WDR27: variants seen among roughly 807,000 people sequenced by gnomAD.
WDR27 encodes the protein WD repeat-containing protein 27.
A neutral mutation model predicts 114.4 loss-of-function variants in WDR27; 100 were observed. That is an observed-to-expected ratio of 0.87 (90% CI 0.74 to 1.03). The LOEUF is 1.03. WDR27 is among the 50% of genes least tolerant of loss of function. WDR27 has a pLI of 0.00. For synonymous variants in WDR27, 449 were observed against 423.1 expected (o/e 1.06, Z -0.75); for missense variants, 1,129 against 1,092.9 (o/e 1.03, Z -0.47).
chr6:169,660,790 G>T (rs1381547133), intron 9 of WDR27, 24 bp from the exon 10 acceptor site: 6 of 1,597,672 alleles, frequency 3.8e-6, no homozygotes, highest in Non-Finnish European at 4.3e-6. Context: ...AAAAAGAAAA[G>T]AATACACAAT....
chr6:169,613,504 G>C, intron 22 of WDR27, 55 bp downstream of exon 22: 1 of 1,371,544 alleles, frequency 7.3e-7, no homozygotes, highest in South Asian at 1.2e-5. Flanking sequence ...ATCAGATTGA[G>C]CTTATATCTC....
intron 2 of WDR27, among the ~76,000 whole-genome samples, chr6:169,679,402 A>G (rs1343790158): frequency 1.3e-5 from 2 of 152,234 alleles, no homozygotes; most frequent in Non-Finnish European, 2.9e-5. Flanking sequence ...TGTGAGAAGG[A>G]CATAAAATGT....
intron 1 of WDR27, among the ~76,000 whole-genome samples, chr6:169,691,890 G>GGACT (rs1012059431): frequency 6.6e-6 from 1 of 152,136 alleles, no homozygotes; most frequent in African/African-American, 2.4e-5. Flanking sequence ...CCACTAGGAT[G>GGACT]GACTGAAAGG....
chr6:169,448,392 A>ATGTG, the WDR27 span, among the ~76,000 whole-genome samples: 57,800 of 131,656 alleles, frequency 0.44, 13,362 homozygotes, highest in Non-Finnish European at 0.56. Flanking sequence ...CTCTGTCTCT[A>ATGTG]TGTGTGTGTG....
chr6:169,566,548 A>C (rs9396970), intron 25 of WDR27, among the ~76,000 whole-genome samples: 17,987 of 152,250 alleles, frequency 0.12, 2,277 homozygotes, highest in East Asian at 0.66. Flanking sequence ...ATGACCATTA[A>C]TTGGTTCTCA....
At chr6:169,446,715 C>T in the WDR27 span, among the ~76,000 whole-genome samples, 1 of 152,224 alleles carries the variant, frequency 6.6e-6, no homozygotes, top group Non-Finnish European at 1.5e-5. Context: ...ACAAACATAA[C>T]TCTTTTACAC....
At chr6:169,486,358 A>G (rs1230114756) in intron 25 of WDR27, among the ~76,000 whole-genome samples, 8 of 152,176 alleles carry the variant, frequency 5.3e-5, no homozygotes, top group African/African-American at 1.9e-4. Flanking sequence ...GTGTACTATC[A>G]TGTGGGTCCC....
chr6:169,491,884 G>A (rs1352357657), intron 25 of WDR27, among the ~76,000 whole-genome samples: 1 of 152,010 alleles, frequency 6.6e-6, no homozygotes, highest in Non-Finnish European at 1.5e-5. Context: ...TTGGAAAGAA[G>A]CAACTGCAAA....
At chr6:169,468,967 T>A (rs1453406263) in intron 25 of WDR27, among the ~76,000 whole-genome samples, 1 of 152,152 alleles carries the variant, frequency 6.6e-6, no homozygotes, top group Admixed American at 6.5e-5. Flanking sequence ...CTTCTTCTTT[T>A]ATAATGTCTC....
intron 25 of WDR27, among the ~76,000 whole-genome samples, chr6:169,488,173 G>C (rs1044856423): frequency 1.3e-5 from 2 of 152,230 alleles, no homozygotes; most frequent in Non-Finnish European, 2.9e-5. Context: ...GCATTTACTT[G>C]ATGGGCCTGG....
chr6:169,521,796 A>G (rs1444108773), intron 25 of WDR27, among the ~76,000 whole-genome samples: 3 of 152,074 alleles, frequency 2.0e-5, no homozygotes, highest in Non-Finnish European at 4.4e-5. Flanking sequence ...AAAAACCTAT[A>G]AAAGAGTGAC....
chr6:169,608,845 G>A (rs1809848244), intron 22 of WDR27, among the ~76,000 whole-genome samples: 1 of 152,170 alleles, frequency 6.6e-6, no homozygotes, highest in Non-Finnish European at 1.5e-5. Flanking sequence ...GACAAGCCAA[G>A]TCCCTTCTGC....
At chr6:169,614,246 T>C (rs1457208125) in intron 21 of WDR27, among the ~76,000 whole-genome samples, 1 of 152,178 alleles carries the variant, frequency 6.6e-6, no homozygotes, top group East Asian at 1.9e-4. Context: ...TAAACATTTG[T>C]GATAAATAAT....
At chr6:169,483,609 C>T (rs1369164271) in intron 25 of WDR27, among the ~76,000 whole-genome samples, 1 of 152,094 alleles carries the variant, frequency 6.6e-6, no homozygotes, top group Non-Finnish European at 1.5e-5. Flanking sequence ...CCTACTAAAA[C>T]TATTCAAAAA....
At chr6:169,510,284 T>G (rs1194881128) in intron 25 of WDR27, among the ~76,000 whole-genome samples, 1 of 152,194 alleles carries the variant, frequency 6.6e-6, no homozygotes, top group Non-Finnish European at 1.5e-5. Flanking sequence ...TTACTGGGTA[T>G]ATACCCAAAG....
the WDR27 span, among the ~76,000 whole-genome samples, chr6:169,452,129 A>G: frequency 6.6e-6 from 1 of 152,318 alleles, no homozygotes; most frequent in Admixed American, 6.5e-5. Flanking sequence ...TGAAAGAAAA[A>G]CATTATTTTA....
intron 25 of WDR27, among the ~76,000 whole-genome samples, chr6:169,539,356 C>A (rs1262323267): frequency 6.6e-6 from 1 of 152,136 alleles, no homozygotes; most frequent in African/African-American, 2.4e-5. Flanking sequence ...ACTGACCCAG[C>A]CAAAATATTC....
intron 25 of WDR27, among the ~76,000 whole-genome samples, chr6:169,538,703 T>TACACACACAC (rs10644528): frequency 0.019 from 2,793 of 143,890 alleles, 40 homozygotes; most frequent in East Asian, 0.055. Context: ...CATACTGGAA[T>TACACACACAC]ACACACACAC....
intron 25 of WDR27, among the ~76,000 whole-genome samples, chr6:169,518,709 T>C (rs970614596): frequency 2.6e-5 from 4 of 152,254 alleles, no homozygotes; most frequent in Admixed American, 2.0e-4. Context: ...CTTTTAGTTA[T>C]GCAAGTTTCT....
Sources: allele counts gnomAD v4.1 joint callset (sites outside exome capture counted in the v4.1 genomes callset), GRCh38; gene constraint gnomAD v4.1.1; transcripts MANE v1.5; gene names NCBI Gene and HGNC (gene_info 2026-07-23, HGNC 2026-07-21).